The following PLXDC1 variants were observed in gnomAD, a reference collection of about 807,000 sequenced individuals.
PLXDC1 encodes the protein plexin domain containing 1.
A neutral mutation model predicts 61.3 loss-of-function variants in PLXDC1; 39 were observed. The observed-to-expected ratio is 0.64, with a 90% CI of 0.49 to 0.83. PLXDC1 has a LOEUF of 0.83. Among genes scored for constraint, PLXDC1 ranks in the 40% least tolerant of loss-of-function variants. The pLI, the probability that PLXDC1 is intolerant of heterozygous loss-of-function variation, is 0.00. For synonymous variants in PLXDC1, 212 were observed against 254.5 expected (o/e 0.83, Z 1.59); for missense variants, 596 against 666.5 (o/e 0.89, Z 1.17).
intron 7 of PLXDC1, among the ~76,000 whole-genome samples, chr17:39,093,773 G>A (rs572317250): frequency 1.3e-5 from 2 of 152,144 alleles, no homozygotes; most frequent in South Asian, 4.2e-4. Context: ...GAATGACTGT[G>A]TGTTTGTCTC....
At chr17:39,150,677 C>T (rs753136609) in intron 1 of PLXDC1, among the ~76,000 whole-genome samples, 1 of 152,164 alleles carries the variant, frequency 6.6e-6, no homozygotes, top group South Asian at 2.1e-4. Flanking sequence ...CCTCCACCCC[C>T]TACCCCAGTG....
chr17:39,095,447 G>A (rs1302303861), intron 7 of PLXDC1, among the ~76,000 whole-genome samples: 2 of 128,944 alleles, frequency 1.6e-5, no homozygotes, highest in Non-Finnish European at 3.1e-5. Context: ...CCAAGACAAT[G>A]ACTTCCATCT....
chr17:39,121,990 G>A (rs1030372081), intron 2 of PLXDC1, among the ~76,000 whole-genome samples: 12 of 150,712 alleles, frequency 8.0e-5, no homozygotes, highest in East Asian at 1.9e-4. Context: ...CCAGCTGCTC[G>A]GGAGGTTGAC....
chr17:39,094,728 T>C (rs1028125208), intron 7 of PLXDC1, among the ~76,000 whole-genome samples: 1 of 152,112 alleles, frequency 6.6e-6, no homozygotes, highest in East Asian at 1.9e-4. Flanking sequence ...CAAATAGTCA[T>C]GAAAACCTCA....
In PLXDC1 at chr17:39,063,746, T is replaced by C. The variant is rs1908794438; in HGVS notation, c.*4094A>G. 1 of 465,142 alleles carries C rather than the reference T, an allele frequency of 2.1e-6. No homozygotes were observed. The highest frequency in any genetic ancestry group is 2.0e-5 in the African/African-American group (1 of 50,508). The allele number at this position is 465,142 out of a possible 1,614,324, so 28.8% of individuals were successfully genotyped here. A position where few individuals can be genotyped will look rare whatever the true frequency, so the allele number is the denominator to read the frequency against. On this transcript the variant is annotated 3_prime_UTR_variant, in exon 14 of 14. Transcript: ENST00000315392. ...CAGATCTTTGAATTCTACCATTAAG[T>C]TCAGGTAGGTTTTTGGAGACAGAGA...
intron 7 of PLXDC1, chr17:39,097,063 G>A (rs4795349): frequency 0.82 from 384,759 of 467,132 alleles, 158,931 homozygotes; most frequent in African/African-American, 0.9. Context: ...GAGGCTGTGA[G>A]GAGTCCTCCC....
At position 39,146,948 on chromosome 17, in the gene PLXDC1, ATTTTT is replaced by A. The variant is rs869300584; in HGVS notation, c.76+4409_76+4413del. Among the ~76,000 whole-genome samples the A allele has an allele frequency of 8.8e-4, 66 of 74,708 alleles. 1 individual carries two copies. Among genetic ancestry groups the A allele is most frequent in the Middle Eastern group, 8.5e-3 (1 of 118 alleles). The allele number at this position is 74,708 out of a possible 152,430, so 49.0% of individuals were successfully genotyped here. On this transcript the variant is annotated intron_variant, in intron 1 of 13. Coordinates refer to ENST00000315392, the MANE Select transcript of PLXDC1 (RefSeq NM_020405.5). ...TTCGAAGACCCTCAGACAGGAAATG[ATTTTT>A]TTTTTTTTTTTTTTTTTTTTGAGAC...
intron 8 of PLXDC1, 71 bp downstream of exon 8, chr17:39,087,536 G>T: frequency 2.5e-6 from 3 of 1,194,538 alleles, no homozygotes; most frequent in Non-Finnish European, 3.7e-6. Context: ...GTCAGTCATG[G>T]GCCTGGGACA....
At chr17:39,111,058 G>A (rs1384409316) in intron 2 of PLXDC1, among the ~76,000 whole-genome samples, 2 of 152,122 alleles carry the variant, frequency 1.3e-5, no homozygotes, top group East Asian at 3.9e-4. Context: ...AGGCTGGCAT[G>A]CAAGATCCCA....
intron 2 of PLXDC1, chr17:39,137,540 C>G (rs1313597546): frequency 6.6e-6 from 1 of 152,170 alleles, no homozygotes; most frequent in East Asian, 1.9e-4. Flanking sequence ...GCCTTGGCGA[C>G]AGAGCGAGAC....
intron 5 of PLXDC1, 123 bp downstream of exon 5, chr17:39,108,000 G>A: frequency 8.2e-7 from 1 of 1,222,392 alleles, no homozygotes; most frequent in Non-Finnish European, 1.2e-6. Flanking sequence ...GCAGAGAAAG[G>A]TAGGTGGCTG....
intron 1 of PLXDC1, among the ~76,000 whole-genome samples, chr17:39,147,863 C>G (rs2143995054): frequency 1.3e-5 from 2 of 152,198 alleles, no homozygotes; most frequent in Middle Eastern, 6.8e-3. Flanking sequence ...GCCCTGTACC[C>G]AGGAAGAGTC....
chr17:39,080,311 T>G (rs972917588), intron 9 of PLXDC1: 1 of 152,262 alleles, frequency 6.6e-6, no homozygotes, highest in Admixed American at 6.5e-5. Context: ...TAGACTGTGC[T>G]AACTGATTCT....
At chr17:39,076,222 C>T (rs1909329793) in intron 11 of PLXDC1, among the ~76,000 whole-genome samples, 1 of 151,970 alleles carries the variant, frequency 6.6e-6, no homozygotes, top group South Asian at 2.1e-4. Context: ...TAAGAAAGGA[C>T]TATGGGCCAG....
intron 2 of PLXDC1, among the ~76,000 whole-genome samples, chr17:39,123,024 C>T (rs957741135): frequency 5.3e-5 from 8 of 152,186 alleles, no homozygotes; most frequent in Non-Finnish European, 7.3e-5. Flanking sequence ...CTCAGACCCT[C>T]GGGGTTCCAT....
Position 39,079,146 on chromosome 17 carries a change from G to A in PLXDC1, c.1008C>T (p.Asp336=), listed in dbSNP as rs1244037726. 1 of 1,613,868 alleles carries A rather than the reference G, an allele frequency of 6.2e-7. No individual in the cohort carries two copies. Among genetic ancestry groups the A allele is most frequent in the Admixed American group, 1.7e-5 (1 of 60,022 alleles). Residue 336 remains aspartate (D), a synonymous_variant, in exon 10 of 14, where the codon GAC becomes GAT. Transcript: ENST00000315392. The part of the protein sequence containing the change: ...HVLQRCSSGF[D]RYRQEWMDYG... ...AGTCCATCCACTCCTGGCGATAGCGGTCAAAGCCACTGGAGCATCTGCAGG... is the reference window on the plus strand; with the variant it reads ...AGTCCATCCACTCCTGGCGATAGCGATCAAAGCCACTGGAGCATCTGCAGG...
chr17:39,128,125 A>ATGTATATATATATGTATATATATG (rs1567769599), intron 2 of PLXDC1, among the ~76,000 whole-genome samples: 1 of 36,736 alleles, frequency 2.7e-5, no homozygotes, highest in Non-Finnish European at 5.5e-5. Flanking sequence ...GTATATATAT[A>ATGTATATATATATGTATATATATG]TGTGTATATA....
At chr17:39,090,346 C>CTA (rs5820276) in intron 7 of PLXDC1, among the ~76,000 whole-genome samples, 41,365 of 151,972 alleles carry the variant, frequency 0.27, 6,403 homozygotes, top group East Asian at 0.46. Context: ...TCCCTGAGGC[C>CTA]TGTCTGAAAT....
chr17:39,139,615 C>T, intron 2 of PLXDC1, 39 bp downstream of exon 2: 1 of 1,530,278 alleles, frequency 6.5e-7, no homozygotes, highest in Non-Finnish European at 9.0e-7. Context: ...CCTCCCCCAC[C>T]CCCACTTCGC....
Sources: gnomAD v4.1 joint callset for allele counts (sites outside exome capture counted in the v4.1 genomes callset) on GRCh38, gnomAD v4.1.1 for gene constraint, MANE v1.5 for transcripts, NCBI Gene and HGNC (gene_info 2026-07-23, HGNC 2026-07-21) for gene names.